Variants in TEX10 observed in about 807,000 individuals in gnomAD.
TEX10 encodes testis expressed 10.
A neutral mutation model predicts 104.4 loss-of-function variants in TEX10; 24 were observed. The observed-to-expected ratio is 0.23, with a 90% CI of 0.17 to 0.32. The LOEUF (loss-of-function observed/expected upper bound fraction) is 0.32, where lower values mean the gene tolerates loss of function less well. Ranked by LOEUF, TEX10 falls within the 10% of genes least tolerant of loss-of-function variation. The pLI, the probability that TEX10 is intolerant of heterozygous loss-of-function variation, is 1.00. For synonymous variants in TEX10, 396 were observed against 393.4 expected, an observed-to-expected ratio of 1.01 and a Z score of -0.08; for missense variants, 921 against 1,083.9, an observed-to-expected ratio of 0.85 and a Z score of 2.11.
rs527496878 is a variant in TEX10 at position 100,308,771 on chromosome 9, T to C, written c.2284-90A>G. On this transcript the variant is annotated intron_variant, in intron 12 of 14. Coordinates refer to ENST00000374902, the MANE Select transcript of TEX10 (RefSeq NM_017746.4). ...AAACCTGTTAATTCACGATTAACTT[T>C]ACATTATTTCTACTGAAAACCAATA... 34 of 1,246,272 alleles carry C rather than the reference T, an allele frequency of 2.7e-5. No homozygotes were observed. The African/African-American group carries it at 5.1e-4, about 19-fold the overall frequency. The allele number at this position is 1,246,272 out of a possible 1,614,324, so 77.2% of individuals were successfully genotyped here.
intron 5 of TEX10, among the ~76,000 whole-genome samples, chr9:100,339,533 C>T (rs1587738457): frequency 6.6e-6 from 1 of 151,698 alleles, no homozygotes; most frequent in East Asian, 1.9e-4. Context: ...AGCTGTATTG[C>T]TTCCAAGCAT....
chr9:100,339,873 T>C (rs1374231274), intron 5 of TEX10, among the ~76,000 whole-genome samples: 1 of 152,118 alleles, frequency 6.6e-6, no homozygotes, highest in Admixed American at 6.5e-5. Context: ...TTAGTTTCAA[T>C]ACCAGGTTCC....
chr9:100,305,636 C>G (rs1471117428), intron 13 of TEX10: 1 of 152,020 alleles, frequency 6.6e-6, no homozygotes, highest in Admixed American at 6.5e-5. Flanking sequence ...GACAGCCAAG[C>G]TCAAGGCCAG....
Position 100,347,005 on chromosome 9 carries a change from C to G in TEX10, c.582G>C (p.Gln194His), listed in dbSNP as rs1018635900. The change falls in exon 3 of 15, where the codon CAG becomes CAC. Residue 194 changes from glutamine to histidine, a missense_variant. Around this residue, in one of 3 missense-constraint regions of TEX10, gnomAD observed 753 missense variants for 868.4 expected, o/e 0.87. Coordinates refer to ENST00000374902, the MANE Select transcript of TEX10 (RefSeq NM_017746.4). ...KNFVELISHQ[Q>H]LSKGLINRDR... is the part of the protein sequence containing the mutation. Reference sequence around the variant, plus strand: ...CTCTATTTATCAGTCCTTTGGACAGCTGCTGATGAGAAATAAGTTCTACAA... The same window carrying G: ...CTCTATTTATCAGTCCTTTGGACAGGTGCTGATGAGAAATAAGTTCTACAA... The G allele has an allele frequency of 2.1e-5, 34 of 1,614,044 alleles. No homozygotes were observed. Among genetic ancestry groups the G allele is most frequent in the Non-Finnish European group, 2.6e-5 (31 of 1,180,010 alleles).
chr9:100,321,848 C>A, intron 9 of TEX10, 77 bp from the exon 10 acceptor site: 1 of 1,051,088 alleles, frequency 9.5e-7, no homozygotes, highest in Non-Finnish European at 1.4e-6. Context: ...CAGTATATAA[C>A]CATTGTTCTT....
intron 1 of TEX10, among the ~76,000 whole-genome samples, chr9:100,351,834 A>C (rs961802164): frequency 6.6e-6 from 1 of 152,240 alleles, no homozygotes; most frequent in Non-Finnish European, 1.5e-5. Context: ...AATTGACTTT[A>C]ACTTATAACA....
At chr9:100,333,405 C>A (rs1367378864) in intron 5 of TEX10, among the ~76,000 whole-genome samples, 2 of 152,120 alleles carry the variant, frequency 1.3e-5, no homozygotes, top group African/African-American at 4.8e-5. Context: ...TAGATAGATT[C>A]AACACAATCC....
At chr9:100,349,784 CCAAA>C (rs1046466895) in intron 1 of TEX10, among the ~76,000 whole-genome samples, 32 of 152,138 alleles carry the variant, frequency 2.1e-4, no homozygotes, top group African/African-American at 6.7e-4. Context: ...TCTAGCAATA[CCAAA>C]CAAAGTTGGA....
At chr9:100,319,049 A>T (rs1834497219) in intron 11 of TEX10, among the ~76,000 whole-genome samples, 1 of 151,944 alleles carries the variant, frequency 6.6e-6, no homozygotes. Flanking sequence ...AAAATTAGCC[A>T]GGAGTAGTGG....
chr9:100,339,245 CAAAAAAAAA>C (rs1182764934), intron 5 of TEX10, among the ~76,000 whole-genome samples: 26 of 29,410 alleles, frequency 8.8e-4, no homozygotes, highest in African/African-American at 2.8e-3. Context: ...GACTCCATCT[CAAAAAAAAA>C]AAAAAAAAAA....
At chr9:100,350,440 T>A (rs1423076017) in intron 1 of TEX10, among the ~76,000 whole-genome samples, 1 of 152,194 alleles carries the variant, frequency 6.6e-6, no homozygotes, top group East Asian at 1.9e-4. Context: ...TCCTTCCTAA[T>A]GTGGCCCCAT....
Position 100,346,730 on chromosome 9 carries a change from C to A in TEX10, c.857G>T (p.Gly286Val), listed in dbSNP as rs150197949. ...CTGTGAACTGACATTTGGCTGTGAA[C>A]CCCCATTTTCATAAACCTGGATGTG... ...QQHIQVYENG[G>V]SQPNVSSQFR... The change falls in exon 3 of 15, where the codon GGT (glycine) becomes GTT (valine). Residue 286 changes from glycine (G) to valine (V), a missense_variant. Around this residue, in one of 3 missense-constraint regions of TEX10, gnomAD observed 753 missense variants for 868.4 expected, o/e 0.87. Transcript: ENST00000374902. 1.6e-5 allele frequency: 26 copies of A among 1,613,754 alleles called. No individual in the cohort carries two copies. The highest frequency in any genetic ancestry group is 8.8e-5 in the South Asian group (8 of 91,022).
chr9:100,327,710 A>G (rs533486079), intron 8 of TEX10, 77 bp downstream of exon 8: 5 of 1,235,452 alleles, frequency 4.0e-6, no homozygotes, highest in African/African-American at 1.5e-5. Context: ...AAAATTACAG[A>G]GCTCCCCTTA....
In TEX10 at chr9:100,346,256, T is replaced by C. The variant is rs1257527512; in HGVS notation, c.953A>G (p.Lys318Arg). 6.2e-7 allele frequency: 1 copy of C among 1,614,086 alleles called. No individual in the cohort carries two copies. Among genetic ancestry groups the C allele is most frequent in the East Asian group, 2.2e-5 (1 of 44,860 alleles). ...DEGLSSTENLKGFIEIIIPLL... is the reference protein window; with the variant it reads ...DEGLSSTENLRGFIEIIIPLL... ...TGGAATTATTATCTCAATAAATCCT[T>C]TCAGGTTTTCAGTAGATGACAGGCC... The change falls in exon 4 of 15, where the codon AAA becomes AGA. Residue 318 changes from lysine to arginine, a missense_variant. Coordinates refer to ENST00000374902, the MANE Select transcript of TEX10 (RefSeq NM_017746.4).
chr9:100,339,563 A>C (rs1043263136), intron 5 of TEX10, among the ~76,000 whole-genome samples: 3 of 151,794 alleles, frequency 2.0e-5, no homozygotes, highest in African/African-American at 7.3e-5. Context: ...ACCCTGCTCA[A>C]AAAACCTCAA....
chr9:100,303,841 C>T lies in TEX10; in HGVS notation c.2467G>A (p.Asp823Asn), dbSNP rs1432757037. The change falls in exon 14 of 15, where the codon GAC becomes AAC. Residue 823 changes from aspartate (D) to asparagine (N), a missense_variant and splice_region_variant. Coordinates refer to ENST00000374902, the MANE Select transcript of TEX10 (RefSeq NM_017746.4). ...GAGACACAGACCCCCCACAGCTTGTCCCTACAATAACAGAGACAGAAATGA... is the reference window on the plus strand; with the variant it reads ...GAGACACAGACCCCCCACAGCTTGTTCCTACAATAACAGAGACAGAAATGA... ...KGEAEHLRKR[D>N]KLWGVCVSIL... The T allele has an allele frequency of 1.2e-6, 2 of 1,613,774 alleles. No homozygotes were observed. Among genetic ancestry groups the T allele is most frequent in the East Asian group, 4.5e-5 (2 of 44,868 alleles).
chr9:100,350,302 C>G (rs1835409189), intron 1 of TEX10, among the ~76,000 whole-genome samples: 1 of 152,174 alleles, frequency 6.6e-6, no homozygotes, highest in African/African-American at 2.4e-5. Flanking sequence ...TCTAGTGTCT[C>G]CTCTCTAGTC....
At chr9:100,319,244 T>G (rs1218990087) in intron 11 of TEX10, among the ~76,000 whole-genome samples, 2 of 152,034 alleles carry the variant, frequency 1.3e-5, no homozygotes, top group Admixed American at 6.6e-5. Context: ...AAAAAACTTT[T>G]TAAAGTCAGT....
Position 100,321,698 on chromosome 9 carries a change from A to G in TEX10, c.2053T>C (p.Phe685Leu). The G allele has an allele frequency of 6.2e-7, 1 of 1,612,248 alleles. No homozygotes were observed. The highest frequency in any genetic ancestry group is 8.5e-7 in the Non-Finnish European group (1 of 1,179,556). Reference sequence around the variant, plus strand: ...ATGTGGTTACCTGTAAGTGTGGAAAATAAGAAGCTGAAATAGTCTACATCA... The same window carrying G: ...ATGTGGTTACCTGTAAGTGTGGAAAGTAAGAAGCTGAAATAGTCTACATCA... ...MSDVDYFSFL[F>L]STLTGFSKEE... is the part of the protein sequence containing the mutation. Residue 685 changes from phenylalanine (F) to leucine (L), a missense_variant, in exon 10 of 15, where the codon TTT (phenylalanine) becomes CTT (leucine). Around this residue, in one of 3 missense-constraint regions of TEX10, gnomAD observed 753 missense variants for 868.4 expected, o/e 0.87. Transcript: ENST00000374902.
Sources: gnomAD v4.1 joint callset for allele counts (sites outside exome capture counted in the v4.1 genomes callset) on GRCh38, gnomAD v4.1.1 for gene constraint, gnomAD v4.1.1 regional missense constraint, MANE v1.5 for transcripts, NCBI Gene and HGNC (gene_info 2026-07-23, HGNC 2026-07-21) for gene names.